Variants in ARMC2 observed in about 807,000 individuals in gnomAD.
ARMC2 encodes the protein armadillo repeat containing 2.
Under a neutral mutation model 90.3 loss-of-function variants are expected in ARMC2, and 67 were observed. That is an observed-to-expected ratio of 0.74 (90% CI 0.61 to 0.91). ARMC2 has a LOEUF of 0.91. Among genes scored for constraint, ARMC2 ranks in the 40% least tolerant of loss-of-function variants. The pLI is 0.00. For missense variants in ARMC2, 920 were observed against 1,030.9 expected (o/e 0.89, Z 1.47); for synonymous variants, 393 against 393.0 (o/e 1.00, Z 0.00).
chr6:108,902,101 T>C (rs1772219224), intron 7 of ARMC2, among the ~76,000 whole-genome samples: 2 of 152,204 alleles, frequency 1.3e-5, no homozygotes, highest in African/African-American at 4.8e-5. Flanking sequence ...TTTTATTCTT[T>C]CCTTTGTAAT....
chr6:108,883,644 C>T (rs1420554005), intron 5 of ARMC2, among the ~76,000 whole-genome samples: 2 of 152,098 alleles, frequency 1.3e-5, no homozygotes, highest in African/African-American at 4.8e-5. Context: ...TTACTTTTTT[C>T]TTAACTTTAG....
chr6:109,051,910 G>C, the ARMC2 span, among the ~76,000 whole-genome samples: 5 of 152,280 alleles, frequency 3.3e-5, no homozygotes, highest in South Asian at 8.3e-4. Flanking sequence ...TAATTCCACT[G>C]ATGAAGGAGC....
At chr6:109,034,773 C>T in the ARMC2 span, among the ~76,000 whole-genome samples, 1 of 152,292 alleles carries the variant, frequency 6.6e-6, no homozygotes, top group South Asian at 2.1e-4. Flanking sequence ...ATGTGATGGC[C>T]AGAGCTGGAG....
the ARMC2 span, among the ~76,000 whole-genome samples, chr6:109,037,738 T>C: frequency 1.3e-5 from 2 of 152,296 alleles, no homozygotes; most frequent in East Asian, 3.9e-4. Flanking sequence ...GCCTTATGAT[T>C]TACTAGAGTA....
the ARMC2 span, among the ~76,000 whole-genome samples, chr6:108,993,354 T>C: frequency 2.6e-5 from 4 of 152,220 alleles, no homozygotes; most frequent in Admixed American, 2.6e-4. Flanking sequence ...ATTTTTACAG[T>C]GCTGCCTGCA....
intron 17 of ARMC2, among the ~76,000 whole-genome samples, chr6:108,966,104 GC>G (rs1266507767): frequency 6.9e-6 from 1 of 144,408 alleles, no homozygotes; most frequent in Non-Finnish European, 1.5e-5. Flanking sequence ...TCACTGCCCA[GC>G]CACCATACTA....
At chr6:109,047,945 A>C in the ARMC2 span, among the ~76,000 whole-genome samples, 1 of 146,854 alleles carries the variant, frequency 6.8e-6, no homozygotes, top group African/African-American at 2.5e-5. Flanking sequence ...GTACCCAGGG[A>C]CACAAACACT....
intron 4 of ARMC2, among the ~76,000 whole-genome samples, chr6:108,869,236 G>A (rs553479666): frequency 1.4e-4 from 21 of 152,182 alleles, no homozygotes; most frequent in African/African-American, 4.3e-4. Flanking sequence ...GACTGGGCGC[G>A]GTGGCTCATG....
At chr6:109,040,589 G>A in the ARMC2 span, among the ~76,000 whole-genome samples, 1 of 151,598 alleles carries the variant, frequency 6.6e-6, no homozygotes, top group Non-Finnish European at 1.5e-5. Flanking sequence ...TCTTGGTGTC[G>A]CTTCCCTGAA....
chr6:108,970,386 G>A (rs1778677857), intron 17 of ARMC2, among the ~76,000 whole-genome samples: 2 of 151,960 alleles, frequency 1.3e-5, no homozygotes, highest in Non-Finnish European at 2.9e-5. Context: ...GAGAAAGAAG[G>A]GACTATGACA....
intron 11 of ARMC2, among the ~76,000 whole-genome samples, chr6:108,936,288 G>A (rs760182616): frequency 2.6e-5 from 4 of 151,990 alleles, no homozygotes; most frequent in Non-Finnish European, 5.9e-5. Context: ...GCAGAGTCTC[G>A]CCCCATTGCC....
chr6:109,017,038 A>G, the ARMC2 span, among the ~76,000 whole-genome samples: 12 of 152,018 alleles, frequency 7.9e-5, no homozygotes, highest in African/African-American at 2.9e-4. Context: ...TTTATATTTT[A>G]TATGCTTTCA....
At chr6:108,969,250 A>G (rs925282806) in intron 17 of ARMC2, among the ~76,000 whole-genome samples, 1 of 152,334 alleles carries the variant, frequency 6.6e-6, no homozygotes, top group Admixed American at 6.5e-5. Context: ...ACTTTGCCTT[A>G]TAAGAGAATG....
chr6:109,009,525 T>A, the ARMC2 span: 5 of 1,180,342 alleles, frequency 4.2e-6, no homozygotes, highest in African/African-American at 4.9e-5. Context: ...CCGCGGCTCC[T>A]GGCTGCAGCG....
At chr6:108,973,217 C>T in intron 17 of ARMC2, 140 bp from the exon 18 acceptor site, 1 of 601,208 alleles carries the variant, frequency 1.7e-6, no homozygotes, top group South Asian at 2.9e-5. Flanking sequence ...GAGTAAAGAA[C>T]TTCTCTGAAA....
the ARMC2 span, among the ~76,000 whole-genome samples, chr6:109,037,623 T>C: frequency 6.6e-6 from 1 of 152,314 alleles, no homozygotes; most frequent in East Asian, 1.9e-4. Flanking sequence ...ATTCTATAGA[T>C]GAAGAAATTG....
intron 6 of ARMC2, among the ~76,000 whole-genome samples, chr6:108,897,286 A>G (rs1314828329): frequency 6.6e-6 from 1 of 152,200 alleles, no homozygotes; most frequent in African/African-American, 2.4e-5. Flanking sequence ...TTGACTTTCT[A>G]AAATCCATAT....
intron 4 of ARMC2, among the ~76,000 whole-genome samples, chr6:108,870,180 C>A (rs138199551): frequency 1.2e-3 from 184 of 152,208 alleles, no homozygotes; most frequent in South Asian, 0.011. Flanking sequence ...AAGATACATA[C>A]CAAAGATCAC....
chr6:108,949,921 A>G (rs907597725), intron 12 of ARMC2, among the ~76,000 whole-genome samples: 1 of 152,170 alleles, frequency 6.6e-6, no homozygotes, highest in Non-Finnish European at 1.5e-5. Flanking sequence ...CAAACTAAAA[A>G]CAGGCCGGGC....
Sources: gnomAD v4.1 joint callset for allele counts (sites outside exome capture counted in the v4.1 genomes callset) on GRCh38, gnomAD v4.1.1 for gene constraint, MANE v1.5 for transcripts, NCBI Gene and HGNC (gene_info 2026-07-23, HGNC 2026-07-21) for gene names.